Variants in CD86 observed in about 807,000 individuals in gnomAD.
The protein encoded by CD86 is T-lymphocyte activation antigen CD86.
In CD86, 11 loss-of-function variants were observed where a neutral mutation model predicts 32.1. That is an observed-to-expected ratio of 0.34 (90% CI 0.22 to 0.57). CD86 has a LOEUF of 0.57. CD86 is among the 20% of genes least tolerant of loss of function. The probability of loss-of-function intolerance (pLI) is 0.86; values close to 1 mark genes in which losing one functional copy is unlikely to be tolerated. For missense variants in CD86, 359 were observed against 398.4 expected, an observed-to-expected ratio of 0.90 and a Z score of 0.84; for synonymous variants, 137 against 135.3, an observed-to-expected ratio of 1.01 and a Z score of -0.09.
chr3:122,055,995 C>A (rs1037814488), intron 1 of CD86, among the ~76,000 whole-genome samples: 1 of 152,028 alleles, frequency 6.6e-6, no homozygotes, highest in African/African-American at 2.4e-5. Context: ...AGATTCTGGG[C>A]AGGGTTGGGT....
rs1217371203 is a variant in CD86, at chr3:122,106,342, A to T, written c.545A>T (p.Tyr182Phe). ...AGAACCAAGAATTCAACTATCGAGT[A>T]TGATGGTGTTATGCAGAAATCTCAA... ...LLRTKNSTIE[Y>F]DGVMQKSQDN... The change falls in exon 4 of 7, where the codon TAT becomes TTT. Residue 182 changes from tyrosine (Y) to phenylalanine (F), a missense_variant. Tyr to Phe is a conservative substitution (Grantham distance 22). Transcript: ENST00000330540. 1 of 1,614,170 alleles carries T rather than the reference A, an allele frequency of 6.2e-7. No individual in the cohort carries two copies. Among genetic ancestry groups the T allele is most frequent in the South Asian group, 1.1e-5 (1 of 91,084 alleles).
chr3:122,055,678 A>T (rs1017627268), intron 1 of CD86, among the ~76,000 whole-genome samples, 175 bp downstream of exon 1: 5 of 152,250 alleles, frequency 3.3e-5, no homozygotes, highest in Non-Finnish European at 7.3e-5. Context: ...TGCAATGCCC[A>T]AAGCAGTTCA....
chr3:122,077,088 G>T (rs370559523), intron 1 of CD86, among the ~76,000 whole-genome samples: 2 of 152,190 alleles, frequency 1.3e-5, no homozygotes, highest in African/African-American at 4.8e-5. Flanking sequence ...TGCCCAGAGG[G>T]TGCTGCTTCT....
At chr3:122,113,619 T>C (rs1350781056) in intron 5 of CD86, among the ~76,000 whole-genome samples, 1 of 152,232 alleles carries the variant, frequency 6.6e-6, no homozygotes, top group Non-Finnish European at 1.5e-5. Flanking sequence ...TATTGAACTT[T>C]TTTTCATGTT....
chr3:122,109,610 C>A (rs1427662583), intron 5 of CD86, among the ~76,000 whole-genome samples: 1 of 152,192 alleles, frequency 6.6e-6, no homozygotes, highest in African/African-American at 2.4e-5. Flanking sequence ...CAAAGAAAGG[C>A]GACATTTCTA....
chr3:122,062,160 G>A (rs1255389494), intron 1 of CD86, among the ~76,000 whole-genome samples: 4 of 151,158 alleles, frequency 2.6e-5, no homozygotes, highest in Non-Finnish European at 5.9e-5. Flanking sequence ...TCAAACACAA[G>A]ATATTCTCCT....
At chr3:122,058,316 G>A (rs765803631) in intron 1 of CD86, among the ~76,000 whole-genome samples, 7 of 152,170 alleles carry the variant, frequency 4.6e-5, no homozygotes, top group Non-Finnish European at 8.8e-5. Context: ...AAAACAAGCA[G>A]TACCCAGGAC....
chr3:122,117,832 A>C (rs2073277692), intron 5 of CD86, among the ~76,000 whole-genome samples: 1 of 152,254 alleles, frequency 6.6e-6, no homozygotes, highest in Non-Finnish European at 1.5e-5. Flanking sequence ...GTTAGAATTT[A>C]AGGCACAGTG....
chr3:122,089,903 T>C (rs2072785407), intron 1 of CD86, among the ~76,000 whole-genome samples: 1 of 152,218 alleles, frequency 6.6e-6, no homozygotes, highest in Non-Finnish European at 1.5e-5. Context: ...ATCTCCAAGG[T>C]AGTCATATGT....
At chr3:122,070,573 C>G (rs1163511329) in intron 1 of CD86, among the ~76,000 whole-genome samples, 5 of 152,104 alleles carry the variant, frequency 3.3e-5, no homozygotes, top group African/African-American at 1.2e-4. Context: ...CTCAAAGAAA[C>G]AAGAAACTCA....
Position 122,114,065 on chromosome 3 carries a change from A to G in CD86, c.848-3983A>G, listed in dbSNP as rs549501915. ...CAGGAGTTCGAGACCCGCCTGGCCA[A>G]CATGGTGAAACCCCATTTCTACTAA... On this transcript the variant is annotated intron_variant, in intron 5 of 6. Coordinates refer to ENST00000330540, the MANE Select transcript of CD86 (RefSeq NM_175862.5). Among the ~76,000 whole-genome samples, 14 of 152,284 alleles carry G rather than the reference A, an allele frequency of 9.2e-5. No individual in the cohort carries two copies. In the South Asian group the frequency reaches 2.9e-3, roughly 32 times the overall value.
At chr3:122,058,791 G>T (rs564308265) in intron 1 of CD86, among the ~76,000 whole-genome samples, 8 of 152,246 alleles carry the variant, frequency 5.3e-5, no homozygotes, top group African/African-American at 1.9e-4. Context: ...AATGAAAACT[G>T]ATTTGGAGTG....
chr3:122,104,408 C>T (rs1052680796), intron 3 of CD86, among the ~76,000 whole-genome samples: 2 of 152,192 alleles, frequency 1.3e-5, no homozygotes, highest in African/African-American at 4.8e-5. Context: ...ACTTACAAAC[C>T]AGCTCCTCTG....
chr3:122,120,568 C>A lies in CD86; in HGVS notation c.*1034C>A, dbSNP rs2073328689. ...GTCAGGGAGGGGTTTTGGTGATACC[C>A]AAGTTATTGGGATGTCATCTTCCTG... On this transcript the variant is annotated 3_prime_UTR_variant, in exon 7 of 7. Coordinates refer to ENST00000330540, the MANE Select transcript of CD86 (RefSeq NM_175862.5). 6.6e-6 allele frequency: 1 copy of A among 152,176 alleles called. No individual in the cohort carries two copies. Among genetic ancestry groups the A allele is most frequent in the South Asian group, 2.1e-4 (1 of 4,826 alleles). The allele number at this position is 152,176 out of a possible 1,614,324, so 9.4% of individuals were successfully genotyped here.
chr3:122,117,725 A>C (rs996273043), intron 5 of CD86, among the ~76,000 whole-genome samples: 8 of 152,222 alleles, frequency 5.3e-5, no homozygotes, highest in Non-Finnish European at 1.2e-4. Context: ...AACTCTTCCA[A>C]TCACAAAATG....
intron 3 of CD86, among the ~76,000 whole-genome samples, chr3:122,105,770 C>CT (rs2073080884): frequency 1.3e-5 from 2 of 152,096 alleles, no homozygotes; most frequent in Admixed American, 6.5e-5. Flanking sequence ...ACCATGAACT[C>CT]TGTCAGTTCC....
chr3:122,088,488 T>C (rs1329149912), intron 1 of CD86, among the ~76,000 whole-genome samples: 1 of 152,196 alleles, frequency 6.6e-6, no homozygotes, highest in Admixed American at 6.5e-5. Context: ...GCTGAACAGC[T>C]GGTTCCTGAT....
intron 1 of CD86, among the ~76,000 whole-genome samples, chr3:122,064,346 A>G (rs1214215520): frequency 1.3e-5 from 2 of 152,182 alleles, no homozygotes; most frequent in Non-Finnish European, 2.9e-5. Flanking sequence ...TATTTCTTTG[A>G]CTAAAATTGC....
chr3:122,057,243 C>T (rs1281307627), intron 1 of CD86, among the ~76,000 whole-genome samples: 1 of 152,044 alleles, frequency 6.6e-6, no homozygotes, highest in Non-Finnish European at 1.5e-5. Flanking sequence ...AGCAATTCAC[C>T]TTTTAGGAAT....
Sources: gnomAD v4.1 joint callset for allele counts (sites outside exome capture counted in the v4.1 genomes callset) on GRCh38, gnomAD v4.1.1 for gene constraint, MANE v1.5 for transcripts, NCBI Gene and HGNC (gene_info 2026-07-23, HGNC 2026-07-21) for gene names.